Variants in ERBB4 observed in about 807,000 individuals in gnomAD.
ERBB4 encodes the protein erb-b2 receptor tyrosine kinase 4, also known as receptor tyrosine-protein kinase erbB-4.
ERBB4 carries 42 observed loss-of-function variants against 158.0 expected under a neutral mutation model. The ratio of observed to expected loss-of-function variants is 0.27; its 90% CI spans 0.21 to 0.34. The LOEUF is 0.34. Ranked by LOEUF, ERBB4 falls within the 10% of genes least tolerant of loss-of-function variation. The probability of loss-of-function intolerance (pLI) is 1.00; values close to 1 mark genes in which losing one functional copy is unlikely to be tolerated. For synonymous variants in ERBB4, 583 were observed against 558.7 expected, an observed-to-expected ratio of 1.04 and a Z score of -0.61; for missense variants, 1,333 against 1,624.1, an observed-to-expected ratio of 0.82 and a Z score of 3.08.
chr2:212,470,467 C>G lies in ERBB4; in HGVS notation c.82+67982G>C, dbSNP rs143289640. ...GTTTTACAATGAGACCTGGGCCAAT[C>G]AGAGACCTTCTCTGAGGTTTTCCAA... On this transcript the variant is annotated intron_variant, in intron 1 of 27. Coordinates refer to ENST00000342788, the MANE Select transcript of ERBB4 (RefSeq NM_005235.3). Among the ~76,000 whole-genome samples, 100 of 152,268 alleles carry G rather than the reference C, an allele frequency of 6.6e-4. 1 individual carries two copies. Among genetic ancestry groups the G allele is most frequent in the African/African-American group, 2.4e-3 (99 of 41,572 alleles).
chr2:211,754,936 G>A (rs1450985769), intron 4 of ERBB4, among the ~76,000 whole-genome samples: 1 of 151,940 alleles, frequency 6.6e-6, no homozygotes, highest in African/African-American at 2.4e-5. Context: ...CCTGACCTCA[G>A]GTGATCTGCC....
At chr2:211,756,261 T>C (rs1433613918) in intron 4 of ERBB4, among the ~76,000 whole-genome samples, 2 of 152,112 alleles carry the variant, frequency 1.3e-5, no homozygotes, top group Non-Finnish European at 2.9e-5. Flanking sequence ...AGAGAAAGGA[T>C]TGCAGAAGGC....
chr2:212,308,381 A>T (rs2086894106), intron 1 of ERBB4, among the ~76,000 whole-genome samples: 1 of 151,128 alleles, frequency 6.6e-6, no homozygotes, highest in Non-Finnish European at 1.5e-5. Context: ...TACTAGTTAT[A>T]AATGAATGAG....
intron 25 of ERBB4, among the ~76,000 whole-genome samples, chr2:211,419,824 G>A (rs547260208): frequency 6.6e-6 from 1 of 152,140 alleles, no homozygotes; most frequent in East Asian, 1.9e-4. Context: ...AGAAAGAATG[G>A]AATTCATATA....
At chr2:212,308,373 C>A (rs1027786289) in intron 1 of ERBB4, among the ~76,000 whole-genome samples, 5 of 151,026 alleles carry the variant, frequency 3.3e-5, no homozygotes, top group Non-Finnish European at 7.4e-5. Flanking sequence ...TATTTAGATA[C>A]TAGTTATAAA....
chr2:212,281,244 G>A (rs977941357), intron 1 of ERBB4, among the ~76,000 whole-genome samples: 1 of 151,510 alleles, frequency 6.6e-6, no homozygotes, highest in African/African-American at 2.4e-5. Flanking sequence ...TGATGAATTT[G>A]CCTCCCTCTT....
intron 2 of ERBB4, among the ~76,000 whole-genome samples, chr2:211,970,928 T>C (rs2081435918): frequency 6.6e-6 from 1 of 152,146 alleles, no homozygotes; most frequent in Non-Finnish European, 1.5e-5. Context: ...CATGTTTAGC[T>C]GGTTATTGTG....
At chr2:211,776,106 T>C (rs73069352) in intron 4 of ERBB4, among the ~76,000 whole-genome samples, 21,785 of 152,130 alleles carry the variant, frequency 0.14, 1,767 homozygotes, top group South Asian at 0.33. Flanking sequence ...TAGGGCTAAG[T>C]GTAGTGGGGT....
At chr2:211,609,035 T>A (rs141055199) in intron 19 of ERBB4, among the ~76,000 whole-genome samples, 59 of 152,154 alleles carry the variant, frequency 3.9e-4, no homozygotes, top group African/African-American at 1.4e-3. Context: ...GATGATGGTA[T>A]GCAGACTATA....
chr2:211,453,500 A>C (rs1244104224), intron 20 of ERBB4, among the ~76,000 whole-genome samples: 3 of 152,204 alleles, frequency 2.0e-5, no homozygotes, highest in African/African-American at 7.2e-5. Flanking sequence ...TTTTAAAAAG[A>C]GGAAGAGAGA....
intron 4 of ERBB4, among the ~76,000 whole-genome samples, chr2:211,755,271 G>T (rs577186736): frequency 2.0e-4 from 31 of 152,170 alleles, no homozygotes; most frequent in Non-Finnish European, 3.8e-4. Context: ...GGAGGCCAAG[G>T]TGGGCTGACT....
chr2:212,012,521 T>G (rs1262051127), intron 2 of ERBB4, among the ~76,000 whole-genome samples: 1 of 150,564 alleles, frequency 6.6e-6, no homozygotes, highest in Admixed American at 6.6e-5. Context: ...GCTCAAGCAA[T>G]TCTCCGCCTC....
intron 1 of ERBB4, among the ~76,000 whole-genome samples, chr2:212,397,185 T>A (rs2091053094): frequency 6.6e-6 from 1 of 152,058 alleles, no homozygotes; most frequent in Non-Finnish European, 1.5e-5. Context: ...TTAAAATACA[T>A]ATTGCTAGGC....
intron 1 of ERBB4, among the ~76,000 whole-genome samples, chr2:212,345,139 G>A (rs1490210291): frequency 6.6e-6 from 1 of 151,408 alleles, no homozygotes; most frequent in Admixed American, 6.6e-5. Context: ...GATGGCGGGC[G>A]CCTGTAATCC....
At chr2:212,076,937 T>C (rs1266308540) in intron 2 of ERBB4, among the ~76,000 whole-genome samples, 2 of 151,946 alleles carry the variant, frequency 1.3e-5, no homozygotes, top group African/African-American at 4.8e-5. Context: ...ATTAGTTCTA[T>C]TGTTTAATAA....
In ERBB4 at chr2:212,061,383, G is replaced by T. The variant is rs192197002; in HGVS notation, c.234+63369C>A. 1.1e-3 allele frequency among the ~76,000 whole-genome samples: 162 copies of T among 150,102 alleles called. 2 individuals carry two copies. Among genetic ancestry groups the T allele is most frequent in the African/African-American group, 3.9e-3 (158 of 40,726 alleles). On this transcript the variant is annotated intron_variant, in intron 2 of 27. Transcript: ENST00000342788. Reference sequence around the variant, plus strand: ...TGGGAGAATTGCTTGAACCCAGGAGGGGGAGGTTGCAGTGAGCCGCGATGG... The same window carrying T: ...TGGGAGAATTGCTTGAACCCAGGAGTGGGAGGTTGCAGTGAGCCGCGATGG...
chr2:211,669,561 G>C (rs1409891848), intron 14 of ERBB4, among the ~76,000 whole-genome samples: 3 of 152,082 alleles, frequency 2.0e-5, no homozygotes, highest in Admixed American at 2.0e-4. Flanking sequence ...AAGTAAAGCA[G>C]AGTGAATAAA....
chr2:212,206,132 T>A (rs1362115273), intron 1 of ERBB4, among the ~76,000 whole-genome samples: 1 of 152,196 alleles, frequency 6.6e-6, no homozygotes, highest in African/African-American at 2.4e-5. Flanking sequence ...CTGGTTCTAC[T>A]GACCTGTTTC....
chr2:211,740,542 T>C (rs2074752444), intron 5 of ERBB4, among the ~76,000 whole-genome samples: 1 of 151,614 alleles, frequency 6.6e-6, no homozygotes, highest in Non-Finnish European at 1.5e-5. Flanking sequence ...CCCCTTCTTA[T>C]CCTCTTTCAT....
Sources: allele counts gnomAD v4.1 joint callset (sites outside exome capture counted in the v4.1 genomes callset), GRCh38; gene constraint gnomAD v4.1.1; transcripts MANE v1.5; gene names NCBI Gene and HGNC (gene_info 2026-07-23, HGNC 2026-07-21).